The following DGKB variants were observed in gnomAD, a reference collection of about 807,000 sequenced individuals.
DGKB encodes the protein diacylglycerol kinase beta, also known as 90 kDa diacylglycerol kinase.
DGKB carries 67 observed loss-of-function variants against 114.3 expected under a neutral mutation model. That is an observed-to-expected ratio of 0.59 (90% CI 0.48 to 0.72). DGKB has a LOEUF of 0.72. Ranked by LOEUF, DGKB falls within the 30% of genes least tolerant of loss-of-function variation. The probability of loss-of-function intolerance (pLI) is 0.00; values close to 1 mark genes in which losing one functional copy is unlikely to be tolerated. For synonymous variants in DGKB, 398 were observed against 323.1 expected (o/e 1.23, Z -2.49); for missense variants, 907 against 975.2 (o/e 0.93, Z 0.93).
intron 1 of DGKB, among the ~76,000 whole-genome samples, chr7:14,966,004 G>T (rs1275290801): frequency 6.6e-6 from 1 of 151,854 alleles, no homozygotes; most frequent in Admixed American, 6.6e-5. Context: ...TTAAGAATAG[G>T]TTTATTGACA....
chr7:14,971,335 A>G (rs1394613179), intron 1 of DGKB, among the ~76,000 whole-genome samples: 1 of 152,152 alleles, frequency 6.6e-6, no homozygotes, highest in African/African-American at 2.4e-5. Context: ...AGAGGAAAAA[A>G]TCTCATTCAT....
intron 19 of DGKB, among the ~76,000 whole-genome samples, chr7:14,577,388 C>T (rs888422673): frequency 3.9e-5 from 6 of 152,046 alleles, no homozygotes; most frequent in Middle Eastern, 6.3e-3. Context: ...GAGGTCAAGG[C>T]GGGTGGATCA....
chr7:14,281,629 A>G (rs1176099027), intron 23 of DGKB, among the ~76,000 whole-genome samples: 61 of 149,756 alleles, frequency 4.1e-4, no homozygotes, highest in African/African-American at 1.5e-3. Flanking sequence ...CTCCTCAGCT[A>G]ATGTAAAAGA....
At chr7:14,815,954 C>T (rs1363430720) in intron 2 of DGKB, among the ~76,000 whole-genome samples, 1 of 152,176 alleles carries the variant, frequency 6.6e-6, no homozygotes, top group Non-Finnish European at 1.5e-5. Flanking sequence ...ATGTAAATGG[C>T]TCACGCTGCA....
intron 21 of DGKB, among the ~76,000 whole-genome samples, chr7:14,464,341 C>T (rs1191786829): frequency 6.6e-6 from 1 of 151,946 alleles, no homozygotes; most frequent in East Asian, 1.9e-4. Context: ...TTCCAAATGA[C>T]TTTTGTAATT....
chr7:14,861,645 A>G (rs914690717), intron 1 of DGKB, among the ~76,000 whole-genome samples: 2 of 151,858 alleles, frequency 1.3e-5, no homozygotes, highest in African/African-American at 4.8e-5. Flanking sequence ...TTATGTTTTT[A>G]TGATTATCTA....
chr7:14,291,635 G>A (rs1268799475), intron 23 of DGKB, among the ~76,000 whole-genome samples: 1 of 151,902 alleles, frequency 6.6e-6, no homozygotes, highest in Non-Finnish European at 1.5e-5. Context: ...TGTTTTGATG[G>A]GAAAATTTTT....
At chr7:14,753,658 T>C (rs938872958) in intron 4 of DGKB, among the ~76,000 whole-genome samples, 1 of 152,142 alleles carries the variant, frequency 6.6e-6, no homozygotes, top group African/African-American at 2.4e-5. Flanking sequence ...GAAAAATAAA[T>C]TCCAGAGTCT....
At position 14,478,025 on chromosome 7, in the gene DGKB, T is replaced by TACAC. The variant is rs3839747; in HGVS notation, c.1835+132_1835+135dup. On this transcript the variant is annotated intron_variant, in intron 21 of 25. Coordinates refer to ENST00000402815, the MANE Select transcript of DGKB (RefSeq NM_001350709.2). ...TCATTTATCCTACCATCTTAATATT[T>TACAC]ACACACACACACACACACACGCACA... The TACAC allele has an allele frequency of 6.0e-3, 2,441 of 404,554 alleles. 12 individuals are homozygous for TACAC. Among genetic ancestry groups the TACAC allele is most frequent in the East Asian group, 0.022 (593 of 26,534 alleles). The allele number at this position is 404,554 out of a possible 1,614,324, so 25.1% of individuals were successfully genotyped here.
intron 13 of DGKB, among the ~76,000 whole-genome samples, chr7:14,639,390 G>C (rs1036463399): frequency 6.6e-6 from 1 of 152,212 alleles, no homozygotes; most frequent in African/African-American, 2.4e-5. Context: ...ATTCAAAACA[G>C]ATTATACTTG....
intron 1 of DGKB, among the ~76,000 whole-genome samples, chr7:14,971,034 A>T (rs1034358730): frequency 6.6e-6 from 1 of 152,194 alleles, no homozygotes; most frequent in Non-Finnish European, 1.5e-5. Context: ...CATTTTCCCA[A>T]GGAGTCAAAT....
intron 23 of DGKB, among the ~76,000 whole-genome samples, chr7:14,233,775 T>TA (rs1792287447): frequency 2.0e-5 from 3 of 151,818 alleles, no homozygotes; most frequent in Admixed American, 6.6e-5. Flanking sequence ...AGGGAGTGTG[T>TA]GGGGGGTGCA....
At chr7:14,383,429 C>T (rs1412903697) in intron 21 of DGKB, among the ~76,000 whole-genome samples, 1 of 152,154 alleles carries the variant, frequency 6.6e-6, no homozygotes, top group African/African-American at 2.4e-5. Flanking sequence ...AAGTCCAAAT[C>T]ATTTTAGCTT....
chr7:14,451,280 T>A (rs73280355), intron 21 of DGKB, among the ~76,000 whole-genome samples: 1 of 152,018 alleles, frequency 6.6e-6, no homozygotes, highest in Non-Finnish European at 1.5e-5. Flanking sequence ...ATCTAATGTG[T>A]TGAATGTCTA....
chr7:14,833,305 G>A (rs751621968), intron 2 of DGKB, among the ~76,000 whole-genome samples: 4 of 151,918 alleles, frequency 2.6e-5, no homozygotes, highest in Non-Finnish European at 4.4e-5. Context: ...GCTATCTCCA[G>A]AATTAAAATC....
intron 23 of DGKB, among the ~76,000 whole-genome samples, chr7:14,337,684 T>C (rs1212621448): frequency 6.6e-6 from 1 of 152,172 alleles, no homozygotes; most frequent in East Asian, 1.9e-4. Context: ...CTGAAATCTC[T>C]TCATATTTTG....
At chr7:14,412,592 C>T (rs576336921) in intron 21 of DGKB, among the ~76,000 whole-genome samples, 1 of 152,250 alleles carries the variant, frequency 6.6e-6, no homozygotes, top group South Asian at 2.1e-4. Context: ...TTAAAATACA[C>T]TGTTAAGGAG....
chr7:14,577,480 G>GTA (rs1799315031), intron 19 of DGKB, among the ~76,000 whole-genome samples: 1 of 152,154 alleles, frequency 6.6e-6, no homozygotes, highest in Non-Finnish European at 1.5e-5. Flanking sequence ...AGCCTGGCAA[G>GTA]GTGGCGGGCG....
intron 13 of DGKB, among the ~76,000 whole-genome samples, chr7:14,656,960 A>G (rs1315489441): frequency 6.6e-6 from 1 of 151,796 alleles, no homozygotes; most frequent in Non-Finnish European, 1.5e-5. Flanking sequence ...CAATGTAAAG[A>G]CAGTTTGTCA....
Sources: allele counts gnomAD v4.1 joint callset (sites outside exome capture counted in the v4.1 genomes callset), GRCh38; gene constraint gnomAD v4.1.1; transcripts MANE v1.5; gene names NCBI Gene and HGNC (gene_info 2026-07-23, HGNC 2026-07-21).